TRPS1: variants seen among roughly 807,000 people sequenced by gnomAD.
TRPS1 encodes the protein transcriptional repressor GATA binding 1.
TRPS1 carries 6 observed loss-of-function variants against 101.2 expected under a neutral mutation model. That is an observed-to-expected ratio of 0.06 (90% confidence interval 0.03 to 0.12). TRPS1 has a LOEUF of 0.12. TRPS1 is among the 10% of genes least tolerant of loss of function. The pLI is 1.00. For missense variants in TRPS1, 1,363 were observed against 1,567.0 expected (o/e 0.87, Z 2.20); for synonymous variants, 578 against 589.8 (o/e 0.98, Z 0.29).
intron 5 of TRPS1, among the ~76,000 whole-genome samples, chr8:115,445,217 C>A (rs896176188): frequency 6.6e-6 from 1 of 152,148 alleles, no homozygotes; most frequent in Admixed American, 6.5e-5. Context: ...GTAAACTTCA[C>A]AGCTCAGCTC....
chr8:115,545,456 C>G (rs1023502335), intron 5 of TRPS1, among the ~76,000 whole-genome samples: 1 of 152,112 alleles, frequency 6.6e-6, no homozygotes, highest in Non-Finnish European at 1.5e-5. Flanking sequence ...ATTCATATCC[C>G]TTCTTCACTA....
At chr8:115,587,934 T>C (rs1471566721) in intron 4 of TRPS1, among the ~76,000 whole-genome samples, 1 of 152,238 alleles carries the variant, frequency 6.6e-6, no homozygotes, top group Non-Finnish European at 1.5e-5. Context: ...ACTGGTTAGT[T>C]TGAATTACTG....
At chr8:115,628,970 G>A (rs867840047) in intron 1 of TRPS1, among the ~76,000 whole-genome samples, 9 of 151,910 alleles carry the variant, frequency 5.9e-5, no homozygotes, top group Non-Finnish European at 1.2e-4. Flanking sequence ...ATTGGAGAGG[G>A]TGACGTGTGT....
At chr8:115,605,067 G>A in intron 3 of TRPS1, 65 bp from the exon 4 acceptor site, 1 of 1,475,100 alleles carries the variant, frequency 6.8e-7, no homozygotes, top group Non-Finnish European at 9.4e-7. Flanking sequence ...CCTCTGCAGG[G>A]GAGGGGGAGG....
chr8:115,446,449 T>C (rs917303323), intron 5 of TRPS1, among the ~76,000 whole-genome samples: 2 of 152,056 alleles, frequency 1.3e-5, no homozygotes, highest in Non-Finnish European at 2.9e-5. Flanking sequence ...AGTATTGAGA[T>C]TGGTTCCTGT....
chr8:115,486,600 T>C (rs1814885625), intron 5 of TRPS1, among the ~76,000 whole-genome samples: 1 of 152,232 alleles, frequency 6.6e-6, no homozygotes. Flanking sequence ...GTCACGTGAA[T>C]ATACAAATGA....
At chr8:115,599,700 G>A (rs930918852) in intron 4 of TRPS1, among the ~76,000 whole-genome samples, 28 of 152,086 alleles carry the variant, frequency 1.8e-4, no homozygotes, top group Admixed American at 4.6e-4. Context: ...ATAGTATTCC[G>A]TGGTGTATAT....
intron 5 of TRPS1, among the ~76,000 whole-genome samples, chr8:115,580,514 T>C (rs1817421550): frequency 6.6e-6 from 1 of 152,050 alleles, no homozygotes; most frequent in Non-Finnish European, 1.5e-5. Context: ...CATCTAAGAA[T>C]GCTCAACAAT....
At chr8:115,459,786 T>C (rs528904995) in intron 5 of TRPS1, among the ~76,000 whole-genome samples, 1 of 152,216 alleles carries the variant, frequency 6.6e-6, no homozygotes, top group Non-Finnish European at 1.5e-5. Context: ...TTCAGACCAC[T>C]GAAGTTATCC....
At chr8:115,462,318 C>G (rs993137836) in intron 5 of TRPS1, among the ~76,000 whole-genome samples, 1 of 139,098 alleles carries the variant, frequency 7.2e-6, no homozygotes, top group Non-Finnish European at 1.7e-5. Context: ...TAGCTTAAAC[C>G]AACAGACTGA....
At position 115,619,715 on chromosome 8, in the gene TRPS1, G is replaced by C. The variant is rs940104605; in HGVS notation, c.383C>G (p.Ser128Cys). 6 of 1,614,108 alleles carry C rather than the reference G, an allele frequency of 3.7e-6. No individual in the cohort carries two copies. Among genetic ancestry groups the C allele is most frequent in the Non-Finnish European group, 5.1e-6 (6 of 1,180,062 alleles). The part of the protein sequence containing the change: ...VTDRNMLAFS[S>C]PAAGGVCEPL... ...CTCACAGACTCCCCCAGCAGCTGGA[G>C]ATGAGAAAGCCAACATATTTCTGTC... Residue 128 changes from serine to cysteine, a missense_variant, in exon 3 of 7, where the codon TCT becomes TGT. By Grantham distance (112) the Ser-to-Cys change is moderately radical. Coordinates refer to ENST00000395715, the MANE Select transcript of TRPS1 (RefSeq NM_014112.5).
intron 5 of TRPS1, among the ~76,000 whole-genome samples, chr8:115,569,373 A>G (rs1195387014): frequency 6.6e-6 from 1 of 152,140 alleles, no homozygotes; most frequent in Non-Finnish European, 1.5e-5. Flanking sequence ...AGGGTCAAAT[A>G]AACACACAAG....
intron 5 of TRPS1, among the ~76,000 whole-genome samples, chr8:115,454,983 T>C (rs1323379299): frequency 6.6e-6 from 1 of 152,230 alleles, no homozygotes; most frequent in Non-Finnish European, 1.5e-5. Flanking sequence ...TTCTGTGATA[T>C]TCTGATTAAA....
At position 115,533,274 on chromosome 8, in the gene TRPS1, C is replaced by T. The variant is rs561908268; in HGVS notation, c.2700+53727G>A. 5.9e-5 allele frequency among the ~76,000 whole-genome samples: 9 copies of T among 152,128 alleles called. No individual in the cohort carries two copies. In the South Asian group the frequency reaches 1.7e-3, roughly 28 times the overall value. On this transcript the variant is annotated intron_variant, in intron 5 of 6. Transcript: ENST00000395715. ...AAACCTCCCAAATACTCTCCCACCA[C>T]CCTCTGGTGAATCAAGGTCAGTAGG... is the stretch of plus-strand genomic sequence containing the variant.
chr8:115,615,843 A>T (rs758650166), intron 3 of TRPS1, among the ~76,000 whole-genome samples: 3 of 152,216 alleles, frequency 2.0e-5, no homozygotes, highest in Non-Finnish European at 4.4e-5. Flanking sequence ...ATTGGTCTCC[A>T]TGTGAGCCTC....
At chr8:115,613,197 C>T (rs148612663) in intron 3 of TRPS1, among the ~76,000 whole-genome samples, 1 of 152,154 alleles carries the variant, frequency 6.6e-6, no homozygotes, top group Non-Finnish European at 1.5e-5. Flanking sequence ...AAAATTTGCA[C>T]CTTATTCGCT....
At chr8:115,454,341 T>C (rs2129941550) in intron 5 of TRPS1, among the ~76,000 whole-genome samples, 1 of 152,370 alleles carries the variant, frequency 6.6e-6, no homozygotes, top group African/African-American at 2.4e-5. Flanking sequence ...TGTACTTCCA[T>C]GCTATGATTG....
At chr8:115,480,015 C>A (rs952500475) in intron 5 of TRPS1, among the ~76,000 whole-genome samples, 2 of 152,072 alleles carry the variant, frequency 1.3e-5, no homozygotes, top group African/African-American at 2.4e-5. Context: ...GCAGAGTTCA[C>A]AGGGAGTGAA....
At chr8:115,497,003 G>T (rs1815164532) in intron 5 of TRPS1, among the ~76,000 whole-genome samples, 1 of 152,100 alleles carries the variant, frequency 6.6e-6, no homozygotes, top group Non-Finnish European at 1.5e-5. Flanking sequence ...GTTTTCATAT[G>T]TCCAAAGTAA....
Sources: allele counts gnomAD v4.1 joint callset (sites outside exome capture counted in the v4.1 genomes callset), GRCh38; gene constraint gnomAD v4.1.1; transcripts MANE v1.5; gene names NCBI Gene and HGNC (gene_info 2026-07-23, HGNC 2026-07-21).